The following ADAM12 variants were observed in gnomAD, a reference collection of about 807,000 sequenced individuals.
The protein encoded by ADAM12 is ADAM metallopeptidase domain 12.
ADAM12 carries 70 observed loss-of-function variants against 106.4 expected under a neutral mutation model. That is an observed-to-expected ratio of 0.66 (90% CI 0.54 to 0.80). ADAM12 has a LOEUF of 0.80. Ranked by LOEUF, ADAM12 falls within the 30% of genes least tolerant of loss-of-function variation. ADAM12 has a pLI of 0.00. For missense variants in ADAM12, 1,010 were observed against 1,171.9 expected (o/e 0.86, Z 2.02); for synonymous variants, 420 against 433.5 (o/e 0.97, Z 0.39).
At chr10:126,027,118 C>T (rs1271254701) in intron 21 of ADAM12, among the ~76,000 whole-genome samples, 7 of 152,122 alleles carry the variant, frequency 4.6e-5, no homozygotes, top group Non-Finnish European at 8.8e-5. Flanking sequence ...CTATAAACAC[C>T]TCTATGCACA....
intron 8 of ADAM12, among the ~76,000 whole-genome samples, chr10:126,105,352 T>TGGAAATTATTAACTATTCCAGTTTGG (rs1459056991): frequency 1.2e-4 from 19 of 152,218 alleles, no homozygotes; most frequent in African/African-American, 4.3e-4. Context: ...TTGGGTTTAA[T>TGGAAATTATTAACTATTCCAGTTTGG]ATAGTTTATC....
intron 11 of ADAM12, among the ~76,000 whole-genome samples, chr10:126,082,021 A>C (rs1955228371): frequency 1.3e-5 from 2 of 152,216 alleles, no homozygotes; most frequent in South Asian, 4.1e-4. Context: ...CGTTTAATAC[A>C]TAGATGGTGT....
At chr10:126,092,044 A>T (rs1199394701) in intron 11 of ADAM12, among the ~76,000 whole-genome samples, 2 of 152,174 alleles carry the variant, frequency 1.3e-5, no homozygotes, top group Non-Finnish European at 2.9e-5. Flanking sequence ...ATATTATTTT[A>T]AAAAATGGTG....
At chr10:126,236,583 C>T (rs1958420381) in intron 3 of ADAM12, among the ~76,000 whole-genome samples, 1 of 152,018 alleles carries the variant, frequency 6.6e-6, no homozygotes, top group African/African-American at 2.4e-5. Flanking sequence ...GCTGAATGAG[C>T]ACTCACAGGA....
intron 5 of ADAM12, 73 bp downstream of exon 5, chr10:126,135,511 C>A (rs544923247): frequency 1.4e-6 from 2 of 1,437,806 alleles, no homozygotes; most frequent in South Asian, 1.2e-5. Flanking sequence ...TGCTTTAGCA[C>A]GAGCAGGAAA....
At chr10:126,276,768 T>G (rs1444711607) in intron 3 of ADAM12, among the ~76,000 whole-genome samples, 1 of 152,232 alleles carries the variant, frequency 6.6e-6, no homozygotes. Flanking sequence ...GATAGTTTTG[T>G]TTTCAACTTT....
At chr10:126,303,646 C>T (rs1960719374) in intron 2 of ADAM12, among the ~76,000 whole-genome samples, 1 of 152,168 alleles carries the variant, frequency 6.6e-6, no homozygotes, top group South Asian at 2.1e-4. Context: ...TTTAGAAGGT[C>T]ACAGGACAGG....
At chr10:126,172,532 A>T (rs1957137857) in intron 3 of ADAM12, among the ~76,000 whole-genome samples, 1 of 152,254 alleles carries the variant, frequency 6.6e-6, no homozygotes, top group Non-Finnish European at 1.5e-5. Flanking sequence ...TCATTAGAGA[A>T]ATGCAAATCA....
chr10:126,107,850 A>G (rs1477992487), intron 8 of ADAM12, among the ~76,000 whole-genome samples: 1 of 152,174 alleles, frequency 6.6e-6, no homozygotes, highest in African/African-American at 2.4e-5. Context: ...AGCCTATTTT[A>G]GGCTAAGGGT....
At chr10:126,291,169 T>A (rs536538971) in intron 2 of ADAM12, among the ~76,000 whole-genome samples, 11 of 152,306 alleles carry the variant, frequency 7.2e-5, no homozygotes, top group Non-Finnish European at 1.0e-4. Flanking sequence ...TTTTTTTTCC[T>A]ACAACACATT....
At chr10:126,387,391 C>T (rs1856699854) in intron 1 of ADAM12, among the ~76,000 whole-genome samples, 1 of 124,868 alleles carries the variant, frequency 8.0e-6, no homozygotes, top group Admixed American at 7.8e-5. Flanking sequence ...TTATTTACGG[C>T]GGAGAAACTG....
At chr10:126,352,887 G>A (rs1241747574) in intron 1 of ADAM12, among the ~76,000 whole-genome samples, 1 of 152,196 alleles carries the variant, frequency 6.6e-6, no homozygotes, top group Non-Finnish European at 1.5e-5. Context: ...CAAGCTCCCA[G>A]GGAATGGTTT....
intron 3 of ADAM12, among the ~76,000 whole-genome samples, chr10:126,268,515 T>C (rs1370757510): frequency 1.3e-5 from 2 of 152,226 alleles, no homozygotes; most frequent in African/African-American, 4.8e-5. Context: ...GGAATAAAGA[T>C]ATGCCACATA....
At chr10:126,347,064 T>C (rs1360326604) in intron 1 of ADAM12, among the ~76,000 whole-genome samples, 2 of 152,216 alleles carry the variant, frequency 1.3e-5, no homozygotes, top group African/African-American at 4.8e-5. Context: ...ATCCTGTCAT[T>C]ATGATGATAG....
chr10:126,070,503 T>C (rs1954965696), intron 12 of ADAM12: 1 of 152,226 alleles, frequency 6.6e-6, no homozygotes, highest in Non-Finnish European at 1.5e-5. Flanking sequence ...GTTGTTTGTG[T>C]GATGAACACA....
At chr10:126,121,024 A>G (rs1956081015) in intron 5 of ADAM12, among the ~76,000 whole-genome samples, 2 of 92,720 alleles carry the variant, frequency 2.2e-5, no homozygotes, top group South Asian at 5.9e-4. Context: ...AATATATATT[A>G]TATATTATAT....
intron 1 of ADAM12, among the ~76,000 whole-genome samples, chr10:126,343,815 C>A (rs1855029414): frequency 1.3e-5 from 2 of 152,204 alleles, no homozygotes; most frequent in African/African-American, 2.4e-5. Context: ...CTGTTAGCTG[C>A]ATAAATGTCT....
chr10:126,244,954 G>A (rs1958600432), intron 3 of ADAM12, among the ~76,000 whole-genome samples: 1 of 152,216 alleles, frequency 6.6e-6, no homozygotes, highest in Admixed American at 6.5e-5. Flanking sequence ...CCAAGACATA[G>A]AGATGTCAAC....
At chr10:126,170,482 A>C (rs1228011180) in intron 3 of ADAM12, among the ~76,000 whole-genome samples, 3 of 151,298 alleles carry the variant, frequency 2.0e-5, no homozygotes, top group African/African-American at 7.3e-5. Context: ...AGGTGTACAG[A>C]GGCATAATCA....
Sources: allele counts gnomAD v4.1 joint callset (sites outside exome capture counted in the v4.1 genomes callset), GRCh38; gene constraint gnomAD v4.1.1; transcripts MANE v1.5; gene names NCBI Gene and HGNC (gene_info 2026-07-23, HGNC 2026-07-21).